ALDH5A1: variants seen among roughly 807,000 people sequenced by gnomAD.
ALDH5A1 encodes aldehyde dehydrogenase 5 family member A1, also known as succinate-semialdehyde dehydrogenase, mitochondrial.
In ALDH5A1, 33 loss-of-function variants were observed where a neutral mutation model predicts 54.7. That is an observed-to-expected ratio of 0.60 (90% CI 0.46 to 0.81). The LOEUF is 0.81. ALDH5A1 is among the 30% of genes least tolerant of loss of function. ALDH5A1 has a pLI of 0.00. For synonymous variants in ALDH5A1, 294 were observed against 292.7 expected (o/e 1.00, Z -0.05); for missense variants, 657 against 711.0 (o/e 0.92, Z 0.86).
At chr6:24,508,376 AAAAAAAAAAAAAGATT>A (rs1210089321) in intron 4 of ALDH5A1, among the ~76,000 whole-genome samples, 5 of 87,964 alleles carry the variant, frequency 5.7e-5, no homozygotes, top group Admixed American at 2.1e-4. Flanking sequence ...AAAAAAAAAA[AAAAAAAAAAAAAGATT>A]AATAGTCTCT....
intron 8 of ALDH5A1, chr6:24,531,909 T>G: frequency 1.6e-6 from 1 of 607,642 alleles, no homozygotes; most frequent in Non-Finnish European, 3.0e-6. Flanking sequence ...TTAGGAGAGA[T>G]GAAGCCAGTA....
At chr6:24,511,133 G>A (rs1476669639) in intron 4 of ALDH5A1, among the ~76,000 whole-genome samples, 1 of 152,186 alleles carries the variant, frequency 6.6e-6, no homozygotes, top group Non-Finnish European at 1.5e-5. Context: ...TTTGTTTGAG[G>A]AGGCTGAAGA....
intron 8 of ALDH5A1, among the ~76,000 whole-genome samples, chr6:24,529,681 T>C (rs1759891712): frequency 7.1e-6 from 1 of 141,444 alleles, no homozygotes; most frequent in African/African-American, 2.6e-5. Flanking sequence ...TTTTTTTTTT[T>C]TTTTTTTTTT....
rs6931138 is a variant in ALDH5A1 at position 24,509,587 on chromosome 6, C to A, written c.726+4602C>A. On this transcript the variant is annotated intron_variant, in intron 4 of 9. Coordinates refer to ENST00000357578, the MANE Select transcript of ALDH5A1 (RefSeq NM_001080.3). The surrounding 1 kb of genome is among the most constrained non-coding windows in gnomAD (Gnocchi z 4.7). ...TTCCAGGAATTTATCCATCTCCTCTCGGTTTTCTAGTTTATGTGTGTAAAG... is the reference window on the plus strand; with the variant it reads ...TTCCAGGAATTTATCCATCTCCTCTAGGTTTTCTAGTTTATGTGTGTAAAG... 0.13 allele frequency among the ~76,000 whole-genome samples: 20,056 copies of A among 151,954 alleles called. 1,897 individuals carry two copies. Among genetic ancestry groups the A allele is most frequent in the African/African-American group, 0.27 (11,033 of 41,406 alleles).
chr6:24,525,532 TA>T (rs61178893), intron 7 of ALDH5A1, among the ~76,000 whole-genome samples: 1,437 of 124,562 alleles, frequency 0.012, 8 homozygotes, highest in African/African-American at 0.028. Flanking sequence ...ACCCTATCTC[TA>T]AAAAAAAAAA....
In ALDH5A1 at chr6:24,494,990, C is replaced by A; in HGVS notation, c.-7C>A. On this transcript the variant is annotated 5_prime_UTR_variant, in exon 1 of 10. Transcript: ENST00000357578. ...GCCTGTTTCCTGTCGCCGTCGTTGC[C>A]CGGGCCATGGCGACCTGCATTTGGC... The A allele has an allele frequency of 7.6e-7, 1 of 1,315,170 alleles. No homozygotes were observed. The highest frequency in any genetic ancestry group is 2.6e-5 in the South Asian group (1 of 38,422). The allele number at this position is 1,315,170 out of a possible 1,614,324, so 81.5% of individuals were successfully genotyped here.
chr6:24,502,425 G>A, intron 1 of ALDH5A1, 98 bp from the exon 2 acceptor site: 1 of 948,382 alleles, frequency 1.1e-6, no homozygotes, highest in Non-Finnish European at 1.7e-6. Context: ...AGGAGAATGA[G>A]ACCATACAGC....
chr6:24,500,183 A>G lies in ALDH5A1; in HGVS notation c.355-2340A>G, dbSNP rs558744689. On this transcript the variant is annotated intron_variant, in intron 1 of 9. Coordinates refer to ENST00000357578, the MANE Select transcript of ALDH5A1 (RefSeq NM_001080.3). Reference sequence around the variant, plus strand: ...TTGGAATTTTTTAAATTATGGCAAAATATGCATAACATAACATTTACCATT... The same window carrying G: ...TTGGAATTTTTTAAATTATGGCAAAGTATGCATAACATAACATTTACCATT... Among the ~76,000 whole-genome samples the G allele has an allele frequency of 7.9e-5, 12 of 152,334 alleles. No individual in the cohort carries two copies. In the South Asian group the frequency reaches 2.5e-3, roughly 32 times the overall value.
rs1444935451 is a variant in ALDH5A1, at chr6:24,495,300, G to C, written c.304G>C (p.Val102Leu). 4.6e-6 allele frequency: 7 copies of C among 1,533,134 alleles called. No individual in the cohort carries two copies. The highest frequency in any genetic ancestry group is 6.1e-6 in the Non-Finnish European group (7 of 1,146,398). 95.0% of individuals were successfully genotyped at this position (1,533,134 alleles called of 1,614,324 possible). A position where few individuals can be genotyped will look rare whatever the true frequency, so the allele number is the denominator to read the frequency against. ...CGGGGTGCGAGAGGCCCGCGCCGCC[G>C]TGCGCGCTGCCTACGAGGCTTTCTG... ...DCGVREARAA[V>L]RAAYEAFCRW... is the part of the protein sequence containing the mutation. Residue 102 changes from valine to leucine, a missense_variant, in exon 1 of 10, where the codon GTG becomes CTG. Physicochemically the swap from Val to Leu is conservative, Grantham distance 32. This residue lies in a region of ALDH5A1 where 232 missense variants were observed against 194.6 expected (regional missense o/e 1.19). Transcript: ENST00000357578.
At chr6:24,496,953 T>C (rs964787766) in intron 1 of ALDH5A1, among the ~76,000 whole-genome samples, 2 of 152,130 alleles carry the variant, frequency 1.3e-5, no homozygotes, top group African/African-American at 4.8e-5. Context: ...GTAGGTCTCA[T>C]TGAGGACATG....
chr6:24,516,389 C>T lies in ALDH5A1; in HGVS notation c.870+1079C>T, dbSNP rs148338644. Among the ~76,000 whole-genome samples the T allele has an allele frequency of 5.0e-3, 632 of 127,116 alleles. 7 individuals carry two copies. The highest frequency in any genetic ancestry group is 0.036 in the South Asian group (150 of 4,198). The allele number at this position is 127,116 out of a possible 152,430, so 83.4% of individuals were successfully genotyped here. On this transcript the variant is annotated intron_variant, in intron 5 of 9. Coordinates refer to ENST00000357578, the MANE Select transcript of ALDH5A1 (RefSeq NM_001080.3). ...AGGCGGAGCTTGCAGTGAGGTGAGCCGAGATCACACCACTGCACTCCAGCC... is the reference window on the plus strand; with the variant it reads ...AGGCGGAGCTTGCAGTGAGGTGAGCTGAGATCACACCACTGCACTCCAGCC...
At chr6:24,522,620 C>A in intron 6 of ALDH5A1, 147 bp from the exon 7 acceptor site, 1 of 906,724 alleles carries the variant, frequency 1.1e-6, no homozygotes, top group South Asian at 1.4e-5. Context: ...TGGGGCCAAG[C>A]CCACGTGAGG....
At chr6:24,497,579 C>T (rs1397854817) in intron 1 of ALDH5A1, among the ~76,000 whole-genome samples, 1 of 148,120 alleles carries the variant, frequency 6.8e-6, no homozygotes, top group South Asian at 2.2e-4. Flanking sequence ...CAGAAAAGTT[C>T]TCCAAGTCCC....
chr6:24,517,171 A>C (rs1424035039), intron 5 of ALDH5A1, among the ~76,000 whole-genome samples: 1 of 151,998 alleles, frequency 6.6e-6, no homozygotes, highest in Admixed American at 6.6e-5. Flanking sequence ...ACGCCTGGCT[A>C]ATTTTTGTAT....
rs1409307645 is a variant in ALDH5A1 at position 24,515,304 on chromosome 6, A to T, written c.864A>T (p.Thr288=). The T allele has an allele frequency of 6.2e-7, 1 of 1,613,814 alleles. No homozygotes were observed. ...SKISFTGSTT[T]GKILLHHAAN... ...TTTCCTTTACTGGTTCAACAACTAC[A>T]GGAAAGGTATGTGACTCAAGTTTCA... The change falls in exon 5 of 10, where the codon ACA becomes ACT. Residue 288 remains threonine (T), a synonymous_variant. Transcript: ENST00000357578.
rs576225173 is a variant in ALDH5A1 at position 24,502,605 on chromosome 6, G to A, written c.437G>A (p.Ser146Asn). The A allele has an allele frequency of 1.9e-6, 3 of 1,611,842 alleles. No homozygotes were observed. The highest frequency in any genetic ancestry group is 1.3e-5 in the African/African-American group (1 of 74,990). Residue 146 changes from serine to asparagine, a missense_variant and splice_region_variant, in exon 2 of 10, where the codon AGT (serine) becomes AAT (asparagine). Around this residue, in one of 2 missense-constraint regions of ALDH5A1, gnomAD observed 425 missense variants for 516.4 expected, o/e 0.82. Transcript: ENST00000357578. The part of the protein sequence containing the change: ...DDLARIITAE[S>N]GKPLKEAHGE... ...CTTGCCAGAATAATCACAGCTGAAA[G>A]TGTAAGTTCAGGGTTCTGGCTTGGT...
chr6:24,515,923 C>T (rs534701728), intron 5 of ALDH5A1, among the ~76,000 whole-genome samples: 3 of 152,150 alleles, frequency 2.0e-5, no homozygotes, highest in African/African-American at 7.2e-5. Flanking sequence ...TTCTGGAATG[C>T]ATCTTTCTTT....
chr6:24,508,116 G>T (rs558511590), intron 4 of ALDH5A1, among the ~76,000 whole-genome samples: 1 of 151,946 alleles, frequency 6.6e-6, no homozygotes, highest in Non-Finnish European at 1.5e-5. Flanking sequence ...TGTAATCCCA[G>T]CACTTTGAGA....
chr6:24,499,728 G>A (rs1343896310), intron 1 of ALDH5A1, among the ~76,000 whole-genome samples: 2 of 29,232 alleles, frequency 6.8e-5, no homozygotes, highest in Non-Finnish European at 9.2e-5. Context: ...GTGCAGTGGC[G>A]CAGTCTCGGC....
Sources: allele counts gnomAD v4.1 joint callset (sites outside exome capture counted in the v4.1 genomes callset), GRCh38; gene constraint gnomAD v4.1.1; regional missense constraint gnomAD v4.1.1; non-coding constraint Gnocchi (gnomAD v3.1); transcripts MANE v1.5; gene names NCBI Gene and HGNC (gene_info 2026-07-23, HGNC 2026-07-21).